Variants in NRCAM observed in about 807,000 individuals in gnomAD.
NRCAM encodes NgCAM-related cell adhesion molecule.
Under a neutral mutation model 156.5 loss-of-function variants are expected in NRCAM, and 83 were observed. The observed-to-expected ratio is 0.53, with a 90% CI of 0.44 to 0.64. NRCAM has a LOEUF of 0.64. Among genes scored for constraint, NRCAM ranks in the 30% least tolerant of loss-of-function variants. NRCAM has a pLI of 0.00. For synonymous variants in NRCAM, 538 were observed against 563.9 expected (o/e 0.95, Z 0.65); for missense variants, 1,417 against 1,597.3 (o/e 0.89, Z 1.92).
intron 32 of NRCAM, among the ~76,000 whole-genome samples, chr7:108,157,008 T>C (rs930814236): frequency 6.6e-6 from 1 of 152,158 alleles, no homozygotes; most frequent in Non-Finnish European, 1.5e-5. Context: ...CAAAGCCGTA[T>C]CTTTGTAAAT....
At chr7:108,187,954 C>CA (rs369953785) in intron 20 of NRCAM, among the ~76,000 whole-genome samples, 3,632 of 141,358 alleles carry the variant, frequency 0.026, 102 homozygotes, top group African/African-American at 0.069. Flanking sequence ...GACTCCGTCT[C>CA]AAAAAAAAAA....
At position 108,184,369 on chromosome 7, in the gene NRCAM, C is replaced by CT. The variant is rs757960633; in HGVS notation, c.2233+47dup. The CT allele has an allele frequency of 8.2e-5, 132 of 1,613,436 alleles. No individual in the cohort carries two copies. The East Asian group carries it at 2.5e-3, about 30-fold the overall frequency. On this transcript the variant is annotated intron_variant, in intron 21 of 32. Coordinates refer to ENST00000379028, the MANE Select transcript of NRCAM (RefSeq NM_001037132.4). ...TTGGCCTTTTGCGAAGAGTGGAAAACTTTTTTATTATATTTCGTACCCTAG... is the reference window on the plus strand; with the variant it reads ...TTGGCCTTTTGCGAAGAGTGGAAAACTTTTTTTATTATATTTCGTACCCTAG...
At chr7:108,197,017 AAAAG>A (rs2075503322) in intron 14 of NRCAM, among the ~76,000 whole-genome samples, 1 of 152,180 alleles carries the variant, frequency 6.6e-6, no homozygotes, top group South Asian at 2.1e-4. Flanking sequence ...CCAGCCTTAA[AAAAG>A]AAGGAAATTC....
At chr7:108,266,830 A>T (rs986583143) in intron 3 of NRCAM, among the ~76,000 whole-genome samples, 10 of 152,222 alleles carry the variant, frequency 6.6e-5, no homozygotes, top group African/African-American at 2.4e-4. Flanking sequence ...CAAAGGAAAA[A>T]GAAAGGGCCA....
At chr7:108,425,778 T>G (rs1424779156) in intron 1 of NRCAM, among the ~76,000 whole-genome samples, 2 of 152,204 alleles carry the variant, frequency 1.3e-5, no homozygotes, top group Non-Finnish European at 2.9e-5. Context: ...CATGACAGAT[T>G]AACTGTTGAC....
At chr7:108,155,015 TC>T (rs2044138709) in intron 32 of NRCAM, among the ~76,000 whole-genome samples, 1 of 147,428 alleles carries the variant, frequency 6.8e-6, no homozygotes. Context: ...AGTTGCCATG[TC>T]AAGTTTAAAT....
In NRCAM at chr7:108,182,916, A is replaced by G. The variant is rs1161771075; in HGVS notation, c.2309T>C (p.Leu770Ser). The change falls in exon 23 of 33, where the codon TTG (leucine) becomes TCG (serine). Residue 770 changes from leucine to serine, a missense_variant. Physicochemically the swap from Leu to Ser is moderately radical, Grantham distance 145. Transcript: ENST00000379028. Reference protein sequence around the residue: ...PDNLVITWKPLNGFESNGPGL... With the variant: ...PDNLVITWKPSNGFESNGPGL... ...TGGCCCATTAGATTCGAAACCATTC[A>G]AGGGCTACAAGGAAAGCCAAATAAC... The G allele has an allele frequency of 1.2e-6, 2 of 1,613,906 alleles. No individual in the cohort carries two copies. Among genetic ancestry groups the G allele is most frequent in the Non-Finnish European group, 1.7e-6 (2 of 1,179,782 alleles).
chr7:108,262,467 G>A (rs993457201), intron 3 of NRCAM, among the ~76,000 whole-genome samples: 4 of 152,076 alleles, frequency 2.6e-5, no homozygotes, highest in Admixed American at 6.6e-5. Context: ...CAGATTTAGA[G>A]AGGCCAGATA....
intron 8 of NRCAM, among the ~76,000 whole-genome samples, chr7:108,229,910 A>C (rs2094078506): frequency 6.6e-6 from 1 of 152,194 alleles, no homozygotes; most frequent in Non-Finnish European, 1.5e-5. Flanking sequence ...GAAATTGCCT[A>C]ATGAATAGCT....
rs1056445559 is a variant in NRCAM, at chr7:108,209,290, G to A, written c.1075+131C>T. 4 of 616,136 alleles carry A rather than the reference G, an allele frequency of 6.5e-6. No homozygotes were observed. The South Asian group carries it at 8.5e-5, about 13-fold the overall frequency. 38.2% of individuals were successfully genotyped at this position (616,136 alleles called of 1,614,324 possible). A position where few individuals can be genotyped will look rare whatever the true frequency, so the allele number is the denominator to read the frequency against. On this transcript the variant is annotated intron_variant, in intron 12 of 32. Coordinates refer to ENST00000379028, the MANE Select transcript of NRCAM (RefSeq NM_001037132.4). ...GATGCACTACCAATAGCAATGAGAAGAGAGTCAAGGTACCATGAATGTTGA... is the reference window on the plus strand; with the variant it reads ...GATGCACTACCAATAGCAATGAGAAAAGAGTCAAGGTACCATGAATGTTGA...
At chr7:108,260,306 T>C (rs1235598125) in intron 3 of NRCAM, among the ~76,000 whole-genome samples, 7 of 152,212 alleles carry the variant, frequency 4.6e-5, no homozygotes, top group Admixed American at 6.5e-5. Flanking sequence ...TTCATCTCTG[T>C]ACTCACAGTG....
At chr7:108,399,980 G>A (rs188128604) in intron 1 of NRCAM, among the ~76,000 whole-genome samples, 6 of 152,264 alleles carry the variant, frequency 3.9e-5, no homozygotes, top group African/African-American at 1.2e-4. Flanking sequence ...ACAACAGGCC[G>A]TGGCGGGGAA....
intron 2 of NRCAM, among the ~76,000 whole-genome samples, chr7:108,316,540 C>T (rs1322131665): frequency 2.0e-5 from 3 of 151,972 alleles, no homozygotes; most frequent in Admixed American, 2.0e-4. Flanking sequence ...CTTTGGGAGG[C>T]CGAAGCAGGC....
intron 3 of NRCAM, among the ~76,000 whole-genome samples, chr7:108,268,636 T>TGGGGGGGGGGGGGGGGGGGGGGGG (rs1300340254): frequency 1.2e-4 from 1 of 8,492 alleles, no homozygotes; most frequent in African/African-American, 4.8e-4. Context: ...GGGGGGGGGT[T>TGGGGGGGGGGGGGGGGGGGGGGGG]GGGGGGGGCG....
intron 10 of NRCAM, among the ~76,000 whole-genome samples, chr7:108,225,279 T>G (rs2093248144): frequency 6.6e-6 from 1 of 152,200 alleles, no homozygotes; most frequent in Non-Finnish European, 1.5e-5. Flanking sequence ...GAGTCAGTAT[T>G]CTAGCAAGTT....
intron 2 of NRCAM, among the ~76,000 whole-genome samples, chr7:108,337,430 T>C (rs918790521): frequency 2.6e-5 from 4 of 152,214 alleles, no homozygotes; most frequent in African/African-American, 9.6e-5. Context: ...TTTGCCACCG[T>C]TGCAGACCCA....
intron 14 of NRCAM, among the ~76,000 whole-genome samples, 191 bp downstream of exon 14, chr7:108,197,765 A>T (rs1418381020): frequency 6.6e-6 from 1 of 152,194 alleles, no homozygotes; most frequent in Non-Finnish European, 1.5e-5. Flanking sequence ...GCCATTGTAA[A>T]AACTGTGTTA....
chr7:108,239,303 T>C, intron 4 of NRCAM, among the ~76,000 whole-genome samples: 1 of 152,180 alleles, frequency 6.6e-6, no homozygotes, highest in East Asian at 1.9e-4. Context: ...ATTACTTGTA[T>C]TTTTAGCAGT....
intron 22 of NRCAM, 115 bp downstream of exon 22, chr7:108,184,125 TA>T (rs774359789): frequency 0.015 from 8,668 of 562,308 alleles, 214 homozygotes; most frequent in East Asian, 0.092. Flanking sequence ...TATATATATA[TA>T]TATTTTTTTT....
Sources: allele counts gnomAD v4.1 joint callset (sites outside exome capture counted in the v4.1 genomes callset), GRCh38; gene constraint gnomAD v4.1.1; transcripts MANE v1.5; gene names NCBI Gene and HGNC (gene_info 2026-07-23, HGNC 2026-07-21).